The following ROS1 variants were observed in gnomAD, a reference collection of about 807,000 sequenced individuals.
ROS1 encodes proto-oncogene tyrosine-protein kinase ROS.
A neutral mutation model predicts 273.5 loss-of-function variants in ROS1; 263 were observed. That is an observed-to-expected ratio of 0.96 (90% confidence interval 0.87 to 1.06). The LOEUF (loss-of-function observed/expected upper bound fraction) is 1.06. Among genes scored for constraint, ROS1 ranks in the 50% least tolerant of loss-of-function variants. The pLI, the probability that ROS1 is intolerant of heterozygous loss-of-function variation, is 0.00. For synonymous variants in ROS1, 1,008 were observed against 954.1 expected (o/e 1.06, Z -1.04); for missense variants, 2,833 against 2,751.1 (o/e 1.03, Z -0.67).
intron 18 of ROS1, among the ~76,000 whole-genome samples, chr6:117,369,431 G>A (rs902797435): frequency 9.9e-5 from 15 of 151,982 alleles, no homozygotes; most frequent in Non-Finnish European, 1.6e-4. Flanking sequence ...AAAATTAGCC[G>A]GGCGTGTTGG....
At chr6:117,343,688 T>C (rs1778131987) in intron 28 of ROS1, among the ~76,000 whole-genome samples, 1 of 152,226 alleles carries the variant, frequency 6.6e-6, no homozygotes, top group Admixed American at 6.5e-5. Context: ...GGCAATGTTC[T>C]TTCCGTCCAG....
intron 2 of ROS1, among the ~76,000 whole-genome samples, chr6:117,417,047 G>A (rs758506351): frequency 1.7e-4 from 26 of 151,844 alleles, no homozygotes; most frequent in Admixed American, 1.6e-3. Context: ...TAGTTCTCCC[G>A]GAGCGAGTTC....
chr6:117,404,495 C>G, intron 5 of ROS1, 67 bp from the exon 6 acceptor site: 10 of 1,467,474 alleles, frequency 6.8e-6, no homozygotes, highest in Non-Finnish European at 9.3e-6. Context: ...GTGTGTGCCT[C>G]TCTCATCTAG....
At chr6:117,397,476 T>C (rs116777180) in intron 7 of ROS1, among the ~76,000 whole-genome samples, 286 of 152,262 alleles carry the variant, frequency 1.9e-3, no homozygotes, top group African/African-American at 6.7e-3. Context: ...AGAGTCTGAC[T>C]AAAACTGGAG....
At position 117,357,990 on chromosome 6, in the gene ROS1, A is replaced by T. The variant is rs781517393; in HGVS notation, c.3653T>A (p.Val1218Asp). The change falls in exon 25 of 44, where the codon GTT becomes GAT. Residue 1218 changes from valine to aspartate, a missense_variant. Coordinates refer to ENST00000368507, the MANE Select transcript of ROS1 (RefSeq NM_001378902.1). ...SSSELFQDSL[V>D]FDITVITIDW... is the part of the protein sequence containing the mutation. ...AATTGTAATAACTGTGATATCAAAA[A>T]CCAGTGAATCTTGGAAAAGCTTAAC... The T allele has an allele frequency of 1.2e-6, 2 of 1,612,990 alleles. No homozygotes were observed. The highest frequency in any genetic ancestry group is 1.7e-6 in the Non-Finnish European group (2 of 1,179,282).
intron 33 of ROS1, among the ~76,000 whole-genome samples, chr6:117,326,649 A>C (rs560582001): frequency 2.0e-5 from 3 of 152,200 alleles, no homozygotes; most frequent in East Asian, 1.9e-4. Flanking sequence ...GTGAGTAATC[A>C]GTGGTGAAGA....
At chr6:117,408,012 G>A (rs1774561941) in intron 5 of ROS1, among the ~76,000 whole-genome samples, 2 of 152,142 alleles carry the variant, frequency 1.3e-5, no homozygotes, top group Admixed American at 1.3e-4. Flanking sequence ...CTAGCCATAT[G>A]TAGAAAGCTG....
At chr6:117,324,305 C>A (rs1776484059) in intron 35 of ROS1, 27 bp downstream of exon 35, 1 of 1,083,370 alleles carries the variant, frequency 9.2e-7, no homozygotes. Flanking sequence ...AGTTTGTTGC[C>A]TATTTTAAAA....
chr6:117,350,225 C>T (rs1007774540), intron 27 of ROS1, among the ~76,000 whole-genome samples: 4 of 151,984 alleles, frequency 2.6e-5, no homozygotes, highest in Non-Finnish European at 5.9e-5. Context: ...CTTTATTGCT[C>T]CTTCTCTTTT....
chr6:117,347,663 A>G (rs1562297920), intron 27 of ROS1, among the ~76,000 whole-genome samples: 1 of 152,082 alleles, frequency 6.6e-6, no homozygotes, highest in Admixed American at 6.6e-5. Context: ...TTAGTGAGAA[A>G]GCCTCTAATT....
chr6:117,297,513 C>T (rs1774337028), intron 43 of ROS1, among the ~76,000 whole-genome samples: 1 of 151,936 alleles, frequency 6.6e-6, no homozygotes, highest in South Asian at 2.1e-4. Flanking sequence ...TTCAAACACT[C>T]AACAACAACA....
At chr6:117,300,180 T>C (rs1774603413) in intron 43 of ROS1, among the ~76,000 whole-genome samples, 1 of 146,376 alleles carries the variant, frequency 6.8e-6, no homozygotes, top group African/African-American at 2.5e-5. Flanking sequence ...CTTGATCTCC[T>C]GACCTCATGA....
At chr6:117,404,492 CCT>C (rs1312477983) in intron 5 of ROS1, 64 bp from the exon 6 acceptor site, 15 of 1,449,288 alleles carry the variant, frequency 1.0e-5, no homozygotes, top group Non-Finnish European at 1.4e-5. Context: ...AGAGTGTGTG[CCT>C]CTCTCATCTA....
At chr6:117,302,596 G>A (rs1188497522) in intron 42 of ROS1, among the ~76,000 whole-genome samples, 1 of 152,214 alleles carries the variant, frequency 6.6e-6, no homozygotes, top group Non-Finnish European at 1.5e-5. Flanking sequence ...ATCAAGCCCT[G>A]TAGATGCTCT....
At chr6:117,338,319 A>G (rs527489469) in intron 31 of ROS1, among the ~76,000 whole-genome samples, 1 of 152,222 alleles carries the variant, frequency 6.6e-6, no homozygotes, top group South Asian at 2.1e-4. Flanking sequence ...TAGCATTTTC[A>G]GTCAGTAGAC....
At chr6:117,396,822 A>C in intron 8 of ROS1, 93 bp downstream of exon 8, 1 of 935,662 alleles carries the variant, frequency 1.1e-6, no homozygotes, top group Non-Finnish European at 1.7e-6. Flanking sequence ...TTCTCAAAGC[A>C]CATTTAAACT....
rs35841892 is a variant in ROS1, at chr6:117,344,068, T to C, written c.4498A>G (p.Arg1500Gly). The change falls in exon 28 of 44, where the codon AGA (arginine) becomes GGA (glycine). Residue 1500 changes from arginine to glycine, a missense_variant. Coordinates refer to ENST00000368507, the MANE Select transcript of ROS1 (RefSeq NM_001378902.1). Reference protein sequence around the residue: ...DRKNSSDLKYRILEFQDSIAL... With the variant: ...DRKNSSDLKYGILEFQDSIAL... Reference sequence around the variant, plus strand: ...ACTAGTTCCAATCTTACCAGAATTCTATATTTCAAGTCAGAGCTGTTTTTC... The same window carrying C: ...ACTAGTTCCAATCTTACCAGAATTCCATATTTCAAGTCAGAGCTGTTTTTC... The C allele has an allele frequency of 3.4e-3, 5,407 of 1,611,844 alleles. 105 individuals are homozygous for C. The African/African-American group carries it at 0.052, about 16-fold the overall frequency.
At chr6:117,356,378 T>A (rs1375592295) in intron 26 of ROS1, among the ~76,000 whole-genome samples, 1 of 152,230 alleles carries the variant, frequency 6.6e-6, no homozygotes, top group Non-Finnish European at 1.5e-5. Flanking sequence ...GAATATACAG[T>A]TAAGCTCATT....
intron 22 of ROS1, among the ~76,000 whole-genome samples, chr6:117,361,948 A>G (rs1311917792): frequency 2.0e-5 from 3 of 152,110 alleles, no homozygotes; most frequent in Non-Finnish European, 4.4e-5. Context: ...AAAAATACCT[A>G]CAGTGGTGCA....
Sources: gnomAD v4.1 joint callset for allele counts (sites outside exome capture counted in the v4.1 genomes callset) on GRCh38, gnomAD v4.1.1 for gene constraint, MANE v1.5 for transcripts, NCBI Gene and HGNC (gene_info 2026-07-23, HGNC 2026-07-21) for gene names.